The following ZNF112 variants were observed in gnomAD, a reference collection of about 807,000 sequenced individuals.
ZNF112 encodes the protein zinc finger protein 112 (Y14).
Under a neutral mutation model 77.7 loss-of-function variants are expected in ZNF112, and 37 were observed. The ratio of observed to expected loss-of-function variants is 0.48; its 90% CI spans 0.37 to 0.63. The LOEUF (loss-of-function observed/expected upper bound fraction) is 0.63. Among genes scored for constraint, ZNF112 ranks in the 20% least tolerant of loss-of-function variants. The pLI, the probability that ZNF112 is intolerant of heterozygous loss-of-function variation, is 0.00. For synonymous variants in ZNF112, 333 were observed against 363.6 expected, an observed-to-expected ratio of 0.92 and a Z score of 0.96; for missense variants, 950 against 1,077.4, an observed-to-expected ratio of 0.88 and a Z score of 1.66.
chr19:44,333,062 A>G (rs1970299147), intron 3 of ZNF112, among the ~76,000 whole-genome samples: 1 of 152,244 alleles, frequency 6.6e-6, no homozygotes, highest in South Asian at 2.1e-4. Context: ...CGAAGACATC[A>G]TTTGAGGTAA....
At chr19:44,358,922 G>C (rs773783398), upstream of ZNF112, among the ~76,000 whole-genome samples, 3 of 152,150 alleles carry the variant, frequency 2.0e-5, no homozygotes, top group Non-Finnish European at 4.4e-5. Flanking sequence ...GTATAGGGGT[G>C]GTGGGGGCAG....
At chr19:44,340,374 C>T (rs372915017) in intron 2 of ZNF112, 42 bp downstream of exon 2, 2 of 1,606,890 alleles carry the variant, frequency 1.2e-6, no homozygotes, top group East Asian at 4.5e-5. Context: ...CAAAGACACC[C>T]CAGGAGGCTG....
chr19:44,366,390 C>T (rs1970904737), intron 1 of ZNF112, among the ~76,000 whole-genome samples: 1 of 152,018 alleles, frequency 6.6e-6, no homozygotes, highest in African/African-American at 2.4e-5. Context: ...CTCCCTCCTT[C>T]CTTCCTACCT....
chr19:44,333,318 T>C (rs937044046), intron 3 of ZNF112, among the ~76,000 whole-genome samples: 1 of 152,240 alleles, frequency 6.6e-6, no homozygotes, highest in Non-Finnish European at 1.5e-5. Flanking sequence ...CAGCTCAGGT[T>C]ACCCAGGCTG....
chr19:44,356,468 C>G (rs1241579353), intron 1 of ZNF112, among the ~76,000 whole-genome samples, 158 bp downstream of exon 1: 1 of 152,126 alleles, frequency 6.6e-6, no homozygotes, highest in Non-Finnish European at 1.5e-5. Flanking sequence ...CCAGCTGCCC[C>G]ACACTGGAGA....
At chr19:44,359,315 C>CTTTTTTTTTTTTTTTTTTTT (rs767955186), upstream of ZNF112, among the ~76,000 whole-genome samples, 1 of 54,834 alleles carries the variant, frequency 1.8e-5, no homozygotes, top group African/African-American at 7.0e-5. Context: ...TATTAGAGTT[C>CTTTTTTTTTTTTTTTTTTTT]TTTTTTTTTT....
rs766026773 is a variant in ZNF112, at chr19:44,340,425, G to C, written c.115C>G (p.Leu39Val). 9.9e-6 allele frequency: 16 copies of C among 1,613,830 alleles called. No homozygotes were observed. Among genetic ancestry groups the C allele is most frequent in the Non-Finnish European group, 1.4e-5 (16 of 1,179,922 alleles). ...GGGCACCTATCCTCACCTACTAAGAGCAGGTTCCTGAAGTTCTCCAGCATC... is the reference window on the plus strand; with the variant it reads ...GGGCACCTATCCTCACCTACTAAGACCAGGTTCCTGAAGTTCTCCAGCATC... ...DVMLENFRNL[L>V]LVAHQPFKPD... Residue 39 changes from leucine to valine, a missense_variant, in exon 2 of 4, where the codon CTC becomes GTC. By Grantham distance (32) the Leu-to-Val change is conservative (BLOSUM62 1). Coordinates refer to ENST00000354340, the MANE Select transcript of ZNF112 (RefSeq NM_013380.4).
chr19:44,345,734 C>T (rs888523690), intron 1 of ZNF112, among the ~76,000 whole-genome samples: 1 of 152,174 alleles, frequency 6.6e-6, no homozygotes, highest in Non-Finnish European at 1.5e-5. Flanking sequence ...TCATGTCTGT[C>T]TGCTCATTTT....
Position 44,327,352 on chromosome 19 carries a change from A to G in ZNF112, c.*81T>C. 1 of 1,191,194 alleles carries G rather than the reference A, an allele frequency of 8.4e-7. No homozygotes were observed. The allele number at this position is 1,191,194 out of a possible 1,614,324, so 73.8% of individuals were successfully genotyped here. Reference sequence around the variant, plus strand: ...ATGAATGTTGAAGTTGGGCAGCAACATTACATTTTAATTTTTAAAAATTCT... The same window carrying G: ...ATGAATGTTGAAGTTGGGCAGCAACGTTACATTTTAATTTTTAAAAATTCT... On this transcript the variant is annotated 3_prime_UTR_variant, in exon 4 of 4. Transcript: ENST00000354340.
chr19:44,349,674 T>C (rs919544291), intron 1 of ZNF112, among the ~76,000 whole-genome samples: 1 of 152,060 alleles, frequency 6.6e-6, no homozygotes, highest in Non-Finnish European at 1.5e-5. Flanking sequence ...CATTTTGATA[T>C]TCAGATATTC....
chr19:44,352,479 C>T (rs1227169075), intron 1 of ZNF112, among the ~76,000 whole-genome samples: 1 of 152,040 alleles, frequency 6.6e-6, no homozygotes, highest in African/African-American at 2.4e-5. Flanking sequence ...AACTATTCAA[C>T]ACTGTACTGA....
intron 1 of ZNF112, among the ~76,000 whole-genome samples, chr19:44,350,177 A>G (rs188269418): frequency 4.6e-5 from 7 of 152,218 alleles, no homozygotes; most frequent in Admixed American, 6.5e-5. Flanking sequence ...TTTAAAGCCT[A>G]TGGTTACTCA....
rs1289541850 is a variant in ZNF112, at chr19:44,329,732, G to A, written c.425C>T (p.Pro142Leu). 6.2e-7 allele frequency: 1 copy of A among 1,613,988 alleles called. No homozygotes were observed. Among genetic ancestry groups the A allele is most frequent in the Non-Finnish European group, 8.5e-7 (1 of 1,179,988 alleles). ...NSLGQVWAGI[P>L]VQISEDKNYI... ...GTTCTTATCTTCAGAAATCTGAACTGGTATTCCTGCCCAAACCTGGCCGAG... is the reference window on the plus strand; with the variant it reads ...GTTCTTATCTTCAGAAATCTGAACTAGTATTCCTGCCCAAACCTGGCCGAG... The change falls in exon 4 of 4, where the codon CCA becomes CTA. Residue 142 changes from proline (P) to leucine (L), a missense_variant. Pro to Leu is a moderately conservative substitution (Grantham distance 98, BLOSUM62 -3). Coordinates refer to ENST00000354340, the MANE Select transcript of ZNF112 (RefSeq NM_013380.4).
Position 44,355,785 on chromosome 19 carries a change from C to T in ZNF112, c.-4+841G>A, listed in dbSNP as rs1191821847. On this transcript the variant is annotated intron_variant, in intron 1 of 3. Transcript: ENST00000354340. ...CTTTATTACTCATGCCCAAGTACTC[C>T]CTCATCCGTTTCTGCATTTATTGAA... Among the ~76,000 whole-genome samples, 17 of 152,212 alleles carry T rather than the reference C, an allele frequency of 1.1e-4. 1 individual carries two copies. The highest frequency in any genetic ancestry group is 1.1e-3 in the Admixed American group (17 of 15,284).
chr19:44,361,767 A>G (rs1970856747), intron 1 of ZNF112, among the ~76,000 whole-genome samples: 1 of 152,230 alleles, frequency 6.6e-6, no homozygotes, highest in Admixed American at 6.5e-5. Flanking sequence ...AGTAAGCCCT[A>G]ATGTAAACCA....
At chr19:44,353,007 G>C (rs1970720343) in intron 1 of ZNF112, among the ~76,000 whole-genome samples, 2 of 152,002 alleles carry the variant, frequency 1.3e-5, no homozygotes. Flanking sequence ...GAAAGGCAAA[G>C]GAACCAGAAT....
intron 1 of ZNF112, among the ~76,000 whole-genome samples, chr19:44,344,005 C>A (rs1426273048): frequency 6.6e-6 from 1 of 152,154 alleles, no homozygotes; most frequent in Non-Finnish European, 1.5e-5. Context: ...ACATCGAGAC[C>A]ACCCTTATGA....
chr19:44,347,620 A>G (rs756075015), intron 1 of ZNF112, among the ~76,000 whole-genome samples: 6 of 147,444 alleles, frequency 4.1e-5, no homozygotes, highest in Non-Finnish European at 7.4e-5. Flanking sequence ...TGTATTTAGC[A>G]TTACTGTTTT....
intron 2 of ZNF112, among the ~76,000 whole-genome samples, chr19:44,337,966 A>T: frequency 8.4e-6 from 1 of 119,194 alleles, no homozygotes; most frequent in Admixed American, 9.1e-5. Flanking sequence ...ATTAAATACC[A>T]TTCCCCAGTT....
Sources: allele counts gnomAD v4.1 joint callset (sites outside exome capture counted in the v4.1 genomes callset), GRCh38; gene constraint gnomAD v4.1.1; transcripts MANE v1.5; gene names NCBI Gene and HGNC (gene_info 2026-07-23, HGNC 2026-07-21).